The following TMEFF2 variants were observed in gnomAD, a reference collection of about 807,000 sequenced individuals.
TMEFF2 encodes the protein transmembrane protein with EGF like and two follistatin like domains 2, also known as tomoregulin-2.
Under a neutral mutation model 53.8 loss-of-function variants are expected in TMEFF2, and 28 were observed. The observed-to-expected ratio is 0.52, with a 90% CI of 0.39 to 0.71. TMEFF2 has a LOEUF of 0.71. Ranked by LOEUF, TMEFF2 falls within the 30% of genes least tolerant of loss-of-function variation. The probability of loss-of-function intolerance (pLI) is 0.00; values close to 1 mark genes in which losing one functional copy is unlikely to be tolerated. For synonymous variants in TMEFF2, 162 were observed against 166.3 expected (o/e 0.97, Z 0.20); for missense variants, 353 against 455.2 (o/e 0.78, Z 2.04).
intron 4 of TMEFF2, among the ~76,000 whole-genome samples, chr2:192,075,065 C>T (rs1688376664): frequency 1.3e-5 from 2 of 151,278 alleles, no homozygotes; most frequent in Admixed American, 1.3e-4. Context: ...AATTTATTCT[C>T]TAAACATCTT....
chr2:192,186,579 G>T (rs1691319054), intron 2 of TMEFF2, among the ~76,000 whole-genome samples: 1 of 152,146 alleles, frequency 6.6e-6, no homozygotes, highest in South Asian at 2.1e-4. Flanking sequence ...GTGACATAAT[G>T]ATCGATAGAC....
intron 5 of TMEFF2, among the ~76,000 whole-genome samples, chr2:192,020,006 T>TC (rs1189139859): frequency 6.6e-6 from 1 of 152,112 alleles, no homozygotes; most frequent in Admixed American, 6.5e-5. Flanking sequence ...ACTATGCTTC[T>TC]AGGAAACCAT....
At chr2:192,164,511 C>T (rs148607330) in intron 4 of TMEFF2, among the ~76,000 whole-genome samples, 6,557 of 152,110 alleles carry the variant, frequency 0.043, 218 homozygotes, top group Admixed American at 0.064. Flanking sequence ...AGGTGGATCA[C>T]GAGGTCAGGA....
At chr2:192,007,493 T>C (rs1201995965) in intron 5 of TMEFF2, among the ~76,000 whole-genome samples, 1 of 152,116 alleles carries the variant, frequency 6.6e-6, no homozygotes, top group Non-Finnish European at 1.5e-5. Flanking sequence ...GTGGAGAGAA[T>C]GCCTGGGGAA....
At chr2:192,051,476 A>C (rs1440864164) in intron 5 of TMEFF2, among the ~76,000 whole-genome samples, 1 of 152,184 alleles carries the variant, frequency 6.6e-6, no homozygotes, top group Non-Finnish European at 1.5e-5. Flanking sequence ...TGCAGTTTCC[A>C]TTTTAAATAC....
intron 4 of TMEFF2, among the ~76,000 whole-genome samples, chr2:192,083,587 A>G (rs1574357644): frequency 6.6e-6 from 1 of 151,996 alleles, no homozygotes; most frequent in African/African-American, 2.4e-5. Context: ...CATATGGAGA[A>G]AAGTTATTTC....
chr2:192,027,383 A>T (rs1343251936), intron 5 of TMEFF2, among the ~76,000 whole-genome samples: 1 of 152,224 alleles, frequency 6.6e-6, no homozygotes, highest in African/African-American at 2.4e-5. Context: ...TGATAAAGGC[A>T]TGTCAGGATA....
chr2:192,093,266 CAAAT>C, intron 4 of TMEFF2, among the ~76,000 whole-genome samples: 1 of 152,228 alleles, frequency 6.6e-6, no homozygotes, highest in African/African-American at 2.4e-5. Context: ...GGTAGTAAGA[CAAAT>C]AAAACAAGGA....
At chr2:192,089,592 G>A (rs1688743129) in intron 4 of TMEFF2, among the ~76,000 whole-genome samples, 1 of 152,000 alleles carries the variant, frequency 6.6e-6, no homozygotes, top group African/African-American at 2.4e-5. Flanking sequence ...AACAGCATCT[G>A]CGATTTGGGT....
chr2:191,957,605 C>T (rs1692146350), intron 7 of TMEFF2, among the ~76,000 whole-genome samples: 1 of 152,194 alleles, frequency 6.6e-6, no homozygotes, highest in Non-Finnish European at 1.5e-5. Context: ...ATCTATACAT[C>T]TTTAAGATCC....
intron 5 of TMEFF2, chr2:192,036,847 G>A (rs1419423164): frequency 6.6e-6 from 1 of 152,134 alleles, no homozygotes; most frequent in East Asian, 1.9e-4. Flanking sequence ...CCTCAGAGAG[G>A]TACTCCTTAA....
intron 4 of TMEFF2, among the ~76,000 whole-genome samples, chr2:192,124,732 T>G (rs575303794): frequency 2.0e-5 from 3 of 152,250 alleles, no homozygotes; most frequent in East Asian, 3.9e-4. Context: ...ACCTGGCAAA[T>G]GGAGTTTAAA....
At position 192,194,222 on chromosome 2, in the gene TMEFF2, G is replaced by A. The variant is rs1318297297; in HGVS notation, c.172+131C>T. 1 of 1,058,328 alleles carries A rather than the reference G, an allele frequency of 9.4e-7. No individual in the cohort carries two copies. Among genetic ancestry groups the A allele is most frequent in the East Asian group, 2.4e-5 (1 of 41,218 alleles). 65.6% of individuals were successfully genotyped at this position (1,058,328 alleles called of 1,614,324 possible). ...TCCCCTTGTTTCTCTGGATAGAGGT[G>A]GGTGGTATTAGGGGTCTAGGGCAGT... On this transcript the variant is annotated intron_variant, in intron 1 of 9. Transcript: ENST00000272771. This position sits in a 1 kb window ranked among gnomAD's most constrained non-coding sequence, Gnocchi z 4.2.
chr2:192,055,630 C>G (rs1687884643), intron 5 of TMEFF2, among the ~76,000 whole-genome samples: 1 of 151,910 alleles, frequency 6.6e-6, no homozygotes, highest in Non-Finnish European at 1.5e-5. Flanking sequence ...CAAAAATTAG[C>G]CGGGCATGGT....
chr2:192,123,286 T>C (rs1035209805), intron 4 of TMEFF2, among the ~76,000 whole-genome samples: 2 of 152,216 alleles, frequency 1.3e-5, no homozygotes, highest in Non-Finnish European at 2.9e-5. Flanking sequence ...GTACTTCTGA[T>C]ATGATGTGCT....
intron 4 of TMEFF2, among the ~76,000 whole-genome samples, chr2:192,137,909 T>C (rs1690049313): frequency 6.6e-6 from 1 of 151,808 alleles, no homozygotes; most frequent in Admixed American, 6.6e-5. Context: ...TTCAAGTTAT[T>C]CTCCTGCCTC....
At chr2:192,191,043 C>A (rs1559165714) in intron 2 of TMEFF2, among the ~76,000 whole-genome samples, 1 of 152,084 alleles carries the variant, frequency 6.6e-6, no homozygotes, top group Non-Finnish European at 1.5e-5. Flanking sequence ...ATTAGTACAA[C>A]ATCCATGCTA....
At chr2:192,101,259 G>T (rs887520036) in intron 4 of TMEFF2, among the ~76,000 whole-genome samples, 1 of 151,984 alleles carries the variant, frequency 6.6e-6, no homozygotes, top group African/African-American at 2.4e-5. Flanking sequence ...CAATACTGGG[G>T]TTATTACCCA....
chr2:192,005,841 CATT>C (rs2105843936), intron 5 of TMEFF2, among the ~76,000 whole-genome samples: 1 of 152,254 alleles, frequency 6.6e-6, no homozygotes, highest in East Asian at 1.9e-4. Flanking sequence ...CCCATTTACT[CATT>C]AACTCTCACA....
Sources: allele counts gnomAD v4.1 joint callset (sites outside exome capture counted in the v4.1 genomes callset), GRCh38; gene constraint gnomAD v4.1.1; non-coding constraint Gnocchi (gnomAD v3.1); transcripts MANE v1.5; gene names NCBI Gene and HGNC (gene_info 2026-07-23, HGNC 2026-07-21).